The following GSKIP variants were observed in gnomAD, a reference collection of about 807,000 sequenced individuals.
The protein encoded by GSKIP is GSK3B-interacting protein.
Under a neutral mutation model 11.9 loss-of-function variants are expected in GSKIP, and 5 were observed. The observed-to-expected ratio is 0.42, with a 90% confidence interval of 0.22 to 0.89. GSKIP has a LOEUF of 0.89. GSKIP is among the 40% of genes least tolerant of loss of function. GSKIP has a pLI of 0.29. For missense variants in GSKIP, 150 were observed against 166.6 expected (o/e 0.90, Z 0.55); for synonymous variants, 70 against 62.9 (o/e 1.11, Z -0.54).
Position 96,386,726 on chromosome 14 carries a change from A to G in GSKIP, c.*1042A>G, listed in dbSNP as rs1297588077. The G allele has an allele frequency of 4.6e-5, 7 of 152,662 alleles. No individual in the cohort carries two copies. The highest frequency in any genetic ancestry group is 1.7e-4 in the African/African-American group (7 of 41,474). The allele number at this position is 152,662 out of a possible 1,614,324, so 9.5% of individuals were successfully genotyped here. A position where few individuals can be genotyped will look rare whatever the true frequency, so the allele number is the denominator to read the frequency against. Reference sequence around the variant, plus strand: ...GATGAATGAAGCATTCAGAGACTTAATATTTGAAAAAGGAATAGTCAGTAT... The same window carrying G: ...GATGAATGAAGCATTCAGAGACTTAGTATTTGAAAAAGGAATAGTCAGTAT... On this transcript the variant is annotated 3_prime_UTR_variant, in exon 4 of 4. Transcript: ENST00000555181.
At chr14:96,380,965 G>A (rs1889329807) in intron 2 of GSKIP, among the ~76,000 whole-genome samples, 1 of 152,212 alleles carries the variant, frequency 6.6e-6, no homozygotes, top group Non-Finnish European at 1.5e-5. Flanking sequence ...AAGTAGATAG[G>A]AAATGAATGT....
At chr14:96,371,067 T>C (rs1889034331) in intron 1 of GSKIP, among the ~76,000 whole-genome samples, 1 of 152,228 alleles carries the variant, frequency 6.6e-6, no homozygotes, top group Non-Finnish European at 1.5e-5. Context: ...TCAAAACAAA[T>C]ACATCTGTAA....
At chr14:96,381,615 C>G (rs1889345331) in intron 2 of GSKIP, among the ~76,000 whole-genome samples, 1 of 152,162 alleles carries the variant, frequency 6.6e-6, no homozygotes, top group South Asian at 2.1e-4. Flanking sequence ...CTGCTTATTG[C>G]AACTGTATGA....
chr14:96,382,961 C>A (rs1285665113), intron 3 of GSKIP, among the ~76,000 whole-genome samples: 1 of 152,170 alleles, frequency 6.6e-6, no homozygotes, highest in African/African-American at 2.4e-5. Context: ...CATTCCACCC[C>A]CAGATTTCCA....
intron 3 of GSKIP, among the ~76,000 whole-genome samples, chr14:96,384,974 T>A: frequency 6.6e-6 from 1 of 152,050 alleles, no homozygotes; most frequent in Non-Finnish European, 1.5e-5. Context: ...AACCAATTAT[T>A]AATAAACAAT....
chr14:96,370,646 CT>C (rs1228456421), intron 1 of GSKIP, among the ~76,000 whole-genome samples: 1 of 152,102 alleles, frequency 6.6e-6, no homozygotes, highest in Non-Finnish European at 1.5e-5. Flanking sequence ...TTCTATCTAC[CT>C]ACCTACCTAT....
At chr14:96,382,623 A>G (rs966298008) in intron 3 of GSKIP, 118 bp downstream of exon 3, 1 of 569,306 alleles carries the variant, frequency 1.8e-6, no homozygotes, top group Admixed American at 4.1e-5. Flanking sequence ...AGTAGCTTCC[A>G]AATTTTTTTA....
chr14:96,378,314 C>A (rs927318253), intron 1 of GSKIP, among the ~76,000 whole-genome samples: 3 of 151,910 alleles, frequency 2.0e-5, no homozygotes, highest in African/African-American at 7.3e-5. Flanking sequence ...TAGGTGACAG[C>A]AAGATCCTGC....
intron 1 of GSKIP, chr14:96,364,292 A>T (rs1361919423): frequency 2.0e-5 from 3 of 152,196 alleles, no homozygotes; most frequent in African/African-American, 7.2e-5. Flanking sequence ...GACACCTATT[A>T]GCCGCCCAGC....
At chr14:96,372,969 G>T (rs564747419) in intron 1 of GSKIP, among the ~76,000 whole-genome samples, 1 of 152,088 alleles carries the variant, frequency 6.6e-6, no homozygotes, top group South Asian at 2.1e-4. Context: ...TGTGGCTCAC[G>T]CCTGTAATCC....
At chr14:96,370,805 A>G (rs980595319) in intron 1 of GSKIP, among the ~76,000 whole-genome samples, 1 of 152,022 alleles carries the variant, frequency 6.6e-6, no homozygotes, top group African/African-American at 2.4e-5. Flanking sequence ...AGCCAAATAA[A>G]CCTCTTTTCT....
At chr14:96,372,539 A>G (rs897085317) in intron 1 of GSKIP, among the ~76,000 whole-genome samples, 2 of 152,258 alleles carry the variant, frequency 1.3e-5, no homozygotes, top group African/African-American at 4.8e-5. Flanking sequence ...TAAGTTAAAA[A>G]CATGGATCTC....
In GSKIP at chr14:96,382,421, G is replaced by A; in HGVS notation, c.174G>A (p.Arg58=). ...ACATGTTTGTCTCGAAAAGCCTGCG[G>A]TGTGCGGATGATGTGGCCTATATCA... ...VNNMFVSKSL[R]CADDVAYINV... Residue 58 remains arginine, a synonymous_variant, in exon 3 of 4, where the codon CGG becomes CGA. Coordinates refer to ENST00000555181, the MANE Select transcript of GSKIP (RefSeq NM_016472.5). 10 of 1,613,514 alleles carry A rather than the reference G, an allele frequency of 6.2e-6. No individual in the cohort carries two copies. The highest frequency in any genetic ancestry group is 8.5e-6 in the Non-Finnish European group (10 of 1,179,466).
At chr14:96,364,935 A>AAAATTAAAACGACGGTT (rs751897060) in intron 1 of GSKIP, 19 of 152,102 alleles carry the variant, frequency 1.2e-4, no homozygotes, top group South Asian at 2.1e-4. Context: ...ATCAGAAAGG[A>AAAATTAAAACGACGGTT]TCGTACGAGC....
rs1889364962 is a variant in GSKIP, at chr14:96,382,256, A to C, written c.9A>C (p.Thr3=). Residue 3 remains threonine (T), a synonymous_variant, in exon 3 of 4, where the codon ACA becomes ACC. Transcript: ENST00000555181. ME[T]DCNPMELSSM... The stretch of plus-strand genomic sequence containing the variant: ...TTTTTTTTTTTTACAGAATGGAAAC[A>C]GACTGTAATCCCATGGAGCTAAGCA... 1.3e-6 allele frequency: 2 copies of C among 1,580,846 alleles called. No homozygotes were observed. The highest frequency in any genetic ancestry group is 1.9e-5 in the Admixed American group (1 of 53,930).
At chr14:96,374,571 T>C (rs1198614623) in intron 1 of GSKIP, among the ~76,000 whole-genome samples, 1 of 152,186 alleles carries the variant, frequency 6.6e-6, no homozygotes, top group African/African-American at 2.4e-5. Flanking sequence ...GCTCTTACTA[T>C]TTTGCCCAGG....
At chr14:96,385,290 G>T (rs2139946643) in intron 3 of GSKIP, among the ~76,000 whole-genome samples, 1 of 152,234 alleles carries the variant, frequency 6.6e-6, no homozygotes, top group African/African-American at 2.4e-5. Flanking sequence ...TTTTAGTGGT[G>T]TTTCTGTGTT....
chr14:96,371,121 G>A (rs2139931333), intron 1 of GSKIP, among the ~76,000 whole-genome samples: 1 of 152,234 alleles, frequency 6.6e-6, no homozygotes, highest in Non-Finnish European at 1.5e-5. Flanking sequence ...AGAAAACAAA[G>A]GTTAAATTGA....
intron 2 of GSKIP, among the ~76,000 whole-genome samples, chr14:96,381,753 G>C (rs1889348130): frequency 6.6e-6 from 1 of 152,128 alleles, no homozygotes; most frequent in Non-Finnish European, 1.5e-5. Context: ...GGAAAGAGGT[G>C]AAAAAGAGTA....
Sources: allele counts gnomAD v4.1 joint callset (sites outside exome capture counted in the v4.1 genomes callset), GRCh38; gene constraint gnomAD v4.1.1; transcripts MANE v1.5; gene names NCBI Gene and HGNC (gene_info 2026-07-23, HGNC 2026-07-21).